Variants in LINGO2 observed in about 807,000 individuals in gnomAD.
LINGO2 encodes the protein leucine-rich repeat and immunoglobulin-like domain-containing nogo receptor-interacting protein 2.
Under a neutral mutation model 30.6 loss-of-function variants are expected in LINGO2, and 14 were observed. The ratio of observed to expected loss-of-function variants is 0.46; its 90% CI spans 0.30 to 0.72. The LOEUF (loss-of-function observed/expected upper bound fraction) is 0.72, where lower values mean the gene tolerates loss of function less well. Among genes scored for constraint, LINGO2 ranks in the 30% least tolerant of loss-of-function variants. The pLI is 0.07. For synonymous variants in LINGO2, 317 were observed against 288.5 expected (o/e 1.10, Z -1.00); for missense variants, 729 against 751.7 (o/e 0.97, Z 0.35).
At chr9:28,240,062 A>T (rs1821726650) in intron 4 of LINGO2, among the ~76,000 whole-genome samples, 2 of 152,186 alleles carry the variant, frequency 1.3e-5, no homozygotes, top group African/African-American at 4.8e-5. Flanking sequence ...AAAATCTAGG[A>T]ATTAACCAAA....
intron 3 of LINGO2, among the ~76,000 whole-genome samples, chr9:28,315,566 A>G (rs1824812680): frequency 6.6e-6 from 1 of 152,154 alleles, no homozygotes; most frequent in African/African-American, 2.4e-5. Flanking sequence ...TATTTTTGTC[A>G]CTTGAAATAT....
At chr9:28,988,215 G>A in the LINGO2 span, among the ~76,000 whole-genome samples, 2 of 152,040 alleles carry the variant, frequency 1.3e-5, no homozygotes, top group African/African-American at 4.8e-5. Context: ...GTGCTCCCAT[G>A]TTGGGTGCAT....
intron 4 of LINGO2, among the ~76,000 whole-genome samples, chr9:28,204,786 T>A (rs1587219337): frequency 1.3e-5 from 2 of 152,300 alleles, no homozygotes; most frequent in Admixed American, 1.3e-4. Flanking sequence ...TTTGCAAAAC[T>A]TTTTCAAGGG....
At chr9:28,578,469 G>A (rs989037505) in intron 1 of LINGO2, among the ~76,000 whole-genome samples, 5 of 152,046 alleles carry the variant, frequency 3.3e-5, no homozygotes, top group African/African-American at 1.2e-4. Flanking sequence ...ATTATTTAAT[G>A]ATATTATAGA....
At chr9:29,120,609 T>C in the LINGO2 span, among the ~76,000 whole-genome samples, 1 of 152,286 alleles carries the variant, frequency 6.6e-6, no homozygotes, top group African/African-American at 2.4e-5. Context: ...TGGATTTTAG[T>C]TAATAATCCT....
intron 4 of LINGO2, among the ~76,000 whole-genome samples, chr9:28,086,770 A>G (rs1369183995): frequency 6.6e-6 from 1 of 152,120 alleles, no homozygotes; most frequent in Non-Finnish European, 1.5e-5. Flanking sequence ...AGACTTTAAC[A>G]GAGTCACTCT....
chr9:28,380,390 G>GTTTTTT (rs35512653), intron 2 of LINGO2, among the ~76,000 whole-genome samples: 2 of 144,770 alleles, frequency 1.4e-5, no homozygotes, highest in African/African-American at 2.5e-5. Flanking sequence ...GACTATAAAG[G>GTTTTTT]TTTTTTTTTT....
chr9:29,125,663 TTC>T, the LINGO2 span, among the ~76,000 whole-genome samples: 3 of 152,140 alleles, frequency 2.0e-5, no homozygotes, highest in Admixed American at 6.6e-5. Flanking sequence ...CAATTTAACA[TTC>T]TGTGAAATTT....
At chr9:28,826,408 C>T in the LINGO2 span, among the ~76,000 whole-genome samples, 3 of 152,158 alleles carry the variant, frequency 2.0e-5, no homozygotes, top group Admixed American at 6.5e-5. Context: ...GTCACCGCCA[C>T]TCTGCTTCAG....
the LINGO2 span, among the ~76,000 whole-genome samples, chr9:28,993,583 A>C: frequency 6.6e-6 from 1 of 151,066 alleles, no homozygotes; most frequent in Non-Finnish European, 1.5e-5. Flanking sequence ...TTTTAGATCA[A>C]TATACTTGAT....
At chr9:28,483,011 A>G (rs1826036661) in intron 1 of LINGO2, among the ~76,000 whole-genome samples, 1 of 152,130 alleles carries the variant, frequency 6.6e-6, no homozygotes, top group African/African-American at 2.4e-5. Flanking sequence ...GGTGGTAGTT[A>G]CCTAAATTGC....
chr9:28,517,229 C>T (rs750332958), intron 1 of LINGO2, among the ~76,000 whole-genome samples: 1 of 152,214 alleles, frequency 6.6e-6, no homozygotes, highest in South Asian at 2.1e-4. Context: ...TTTTCTTCCC[C>T]CTCCACCCCC....
the LINGO2 span, among the ~76,000 whole-genome samples, chr9:29,091,707 T>C: frequency 6.6e-6 from 1 of 152,098 alleles, no homozygotes; most frequent in South Asian, 2.1e-4. Context: ...TCTCCCCAAA[T>C]CACAGGAGAG....
intron 1 of LINGO2, among the ~76,000 whole-genome samples, chr9:28,633,424 T>C (rs917217756): frequency 1.3e-5 from 2 of 151,990 alleles, no homozygotes; most frequent in African/African-American, 4.8e-5. Flanking sequence ...TGAATAAATT[T>C]CCAAAAAAAT....
chr9:28,971,299 G>T, the LINGO2 span, among the ~76,000 whole-genome samples: 5 of 152,128 alleles, frequency 3.3e-5, no homozygotes, highest in Admixed American at 6.5e-5. Context: ...GTATTATCTT[G>T]GCCTCAGTGG....
the LINGO2 span, among the ~76,000 whole-genome samples, chr9:28,734,211 G>A: frequency 0.041 from 6,299 of 152,108 alleles, 451 homozygotes; most frequent in African/African-American, 0.14. Context: ...GTGATACCAC[G>A]ACAGTCAAGC....
chr9:29,110,955 C>T, the LINGO2 span, among the ~76,000 whole-genome samples: 3 of 152,074 alleles, frequency 2.0e-5, no homozygotes, highest in African/African-American at 7.2e-5. Flanking sequence ...TCCCAAAGTG[C>T]TGGAATTACA....
the LINGO2 span, among the ~76,000 whole-genome samples, chr9:28,752,730 A>T: frequency 8.5e-5 from 13 of 152,102 alleles, no homozygotes; most frequent in East Asian, 3.9e-4. Context: ...CTCTGCATAG[A>T]TCTTAACCCT....
At chr9:28,894,790 T>C in the LINGO2 span, among the ~76,000 whole-genome samples, 1 of 152,158 alleles carries the variant, frequency 6.6e-6, no homozygotes, top group East Asian at 1.9e-4. Context: ...GAAATACGAG[T>C]ACATTGTTGA....
Sources: gnomAD v4.1 joint callset for allele counts (sites outside exome capture counted in the v4.1 genomes callset) on GRCh38, gnomAD v4.1.1 for gene constraint, MANE v1.5 for transcripts, NCBI Gene and HGNC (gene_info 2026-07-23, HGNC 2026-07-21) for gene names.